Variants in ROBO2 observed in about 807,000 individuals in gnomAD.
ROBO2 encodes roundabout homolog 2.
Under a neutral mutation model 160.8 loss-of-function variants are expected in ROBO2, and 53 were observed. That is an observed-to-expected ratio of 0.33 (90% CI 0.26 to 0.41). ROBO2 has a LOEUF of 0.41. ROBO2 is among the 10% of genes least tolerant of loss of function. The pLI is 1.00. For synonymous variants in ROBO2, 664 were observed against 611.7 expected (o/e 1.09, Z -1.26); for missense variants, 1,577 against 1,722.4 (o/e 0.92, Z 1.49).
In ROBO2 at chr3:77,370,115, A is replaced by G. The variant is rs531082549; in HGVS notation, c.389-107299A>G. On this transcript the variant is annotated intron_variant, in intron 2 of 25. Coordinates refer to ENST00000461745, the Ensembl canonical transcript of ROBO2. ...TTTCTGAAATAATGGTTGGATTGTT[A>G]TAACAAAAGTGTGATGGTTTGAAAA... 4.6e-5 allele frequency among the ~76,000 whole-genome samples: 7 copies of G among 152,320 alleles called. No homozygotes were observed. In the South Asian group the frequency reaches 1.2e-3, roughly 27 times the overall value.
chr3:77,366,900 C>T (rs535279815), intron 2 of ROBO2, among the ~76,000 whole-genome samples: 8 of 151,854 alleles, frequency 5.3e-5, no homozygotes, highest in South Asian at 4.2e-4. Context: ...AGCACCCCCC[C>T]GACACTCACA....
chr3:77,634,610 T>C (rs2095231359), intron 23 of ROBO2: 1 of 460,474 alleles, frequency 2.2e-6, no homozygotes, highest in Non-Finnish European at 4.0e-6. Context: ...GAGTTGTGGA[T>C]TGGTGGATCT....
chr3:76,085,540 T>C (rs2068983923), intron 2 of ROBO2, among the ~76,000 whole-genome samples: 1 of 152,132 alleles, frequency 6.6e-6, no homozygotes, highest in Non-Finnish European at 1.5e-5. Flanking sequence ...AGCTTAGCGG[T>C]CACCACTTCA....
chr3:76,265,136 T>C (rs1331357782), intron 2 of ROBO2, among the ~76,000 whole-genome samples: 1 of 152,188 alleles, frequency 6.6e-6, no homozygotes, highest in Non-Finnish European at 1.5e-5. Flanking sequence ...GGCTGAAGCC[T>C]GGAGGCACGT....
At chr3:77,315,695 C>A (rs192779199) in intron 2 of ROBO2, among the ~76,000 whole-genome samples, 1 of 152,186 alleles carries the variant, frequency 6.6e-6, no homozygotes, top group East Asian at 1.9e-4. Flanking sequence ...GCCTTCCCTA[C>A]GTAATTGGCT....
intron 8 of ROBO2, among the ~76,000 whole-genome samples, chr3:77,557,673 A>T (rs2093170587): frequency 6.6e-6 from 1 of 151,984 alleles, no homozygotes; most frequent in Non-Finnish European, 1.5e-5. Flanking sequence ...GTCAGAATTT[A>T]TCTCAATGCC....
chr3:76,805,950 A>G (rs1455686819), intron 2 of ROBO2, among the ~76,000 whole-genome samples: 1 of 151,918 alleles, frequency 6.6e-6, no homozygotes, highest in Admixed American at 6.6e-5. Flanking sequence ...TTTCTCTTGT[A>G]CTAAGATTAC....
intron 20 of ROBO2, among the ~76,000 whole-genome samples, chr3:77,603,376 T>C (rs1266057781): frequency 1.3e-5 from 2 of 152,170 alleles, no homozygotes; most frequent in Non-Finnish European, 2.9e-5. Flanking sequence ...AATTCCATGT[T>C]ATAGATACCA....
At chr3:77,581,281 T>A (rs1323101341) in intron 16 of ROBO2, among the ~76,000 whole-genome samples, 1 of 152,146 alleles carries the variant, frequency 6.6e-6, no homozygotes, top group Admixed American at 6.6e-5. Context: ...CCTATTCATT[T>A]TCTTAATAGT....
intron 2 of ROBO2, among the ~76,000 whole-genome samples, chr3:76,126,821 AATAAC>A (rs2108315786): frequency 6.6e-6 from 1 of 152,206 alleles, no homozygotes; most frequent in African/African-American, 2.4e-5. Flanking sequence ...ACAGTTATAA[AATAAC>A]ATGTGTTTAA....
intron 2 of ROBO2, among the ~76,000 whole-genome samples, chr3:76,339,131 TA>T (rs1387072432): frequency 6.6e-6 from 1 of 152,216 alleles, no homozygotes; most frequent in Non-Finnish European, 1.5e-5. Context: ...TAAACTTATC[TA>T]AATATTTCAC....
Position 77,452,769 on chromosome 3 carries a change from GT to G in ROBO2, c.389-24637del, listed in dbSNP as rs111242814. Among the ~76,000 whole-genome samples the G allele has an allele frequency of 6.3e-3, 950 of 151,900 alleles. 11 individuals are homozygous for G. The highest frequency in any genetic ancestry group is 0.021 in the African/African-American group (879 of 41,446). On this transcript the variant is annotated intron_variant, in intron 2 of 25. Coordinates refer to ENST00000461745, the Ensembl canonical transcript of ROBO2. ...ATTTTGTGTCCTAAAACCAAAACAT[GT>G]TTTTTTTAAATAAAAAGCAGAATTT...
chr3:76,743,315 T>C (rs1236603343), intron 2 of ROBO2, among the ~76,000 whole-genome samples: 1 of 151,900 alleles, frequency 6.6e-6, no homozygotes, highest in African/African-American at 2.4e-5. Context: ...CTAGAGAAAA[T>C]AATGGAATAA....
At chr3:76,834,062 T>TCTCTC (rs1553651248) in intron 2 of ROBO2, among the ~76,000 whole-genome samples, 1 of 88,012 alleles carries the variant, frequency 1.1e-5, no homozygotes, top group African/African-American at 4.5e-5. Flanking sequence ...CCTTTCTTTC[T>TCTCTC]TTTCTTTCTT....
chr3:76,742,791 C>A (rs73119330), intron 2 of ROBO2, among the ~76,000 whole-genome samples: 21,903 of 149,748 alleles, frequency 0.15, 1,760 homozygotes, highest in East Asian at 0.27. Context: ...CACCCACACA[C>A]ACACCCACCC....
intron 2 of ROBO2, among the ~76,000 whole-genome samples, chr3:77,455,212 A>C (rs2081503059): frequency 6.6e-6 from 1 of 152,186 alleles, no homozygotes; most frequent in African/African-American, 2.4e-5. Context: ...ATGAGAGAAC[A>C]TTTTTTCATA....
intron 2 of ROBO2, among the ~76,000 whole-genome samples, chr3:76,302,173 T>C (rs2107742899): frequency 6.6e-6 from 1 of 152,204 alleles, no homozygotes; most frequent in East Asian, 1.9e-4. Context: ...CAGCTATTTG[T>C]ACAGCAATTC....
At chr3:75,963,432 A>G (rs960079205) in intron 2 of ROBO2, among the ~76,000 whole-genome samples, 1 of 151,824 alleles carries the variant, frequency 6.6e-6, no homozygotes, top group Admixed American at 6.6e-5. Flanking sequence ...TCCAGCCTCA[A>G]GTGATCCTCC....
intron 2 of ROBO2, among the ~76,000 whole-genome samples, chr3:75,946,991 G>T (rs1301625521): frequency 2.0e-5 from 3 of 152,018 alleles, no homozygotes; most frequent in African/African-American, 7.2e-5. Context: ...TGGTGGTTGG[G>T]ATTATGATTG....
Sources: gnomAD v4.1 joint callset for allele counts (sites outside exome capture counted in the v4.1 genomes callset) on GRCh38, gnomAD v4.1.1 for gene constraint, MANE v1.5 for transcripts, NCBI Gene and HGNC (gene_info 2026-07-23, HGNC 2026-07-21) for gene names.